The following TBC1D19 variants were observed in gnomAD, a reference collection of about 807,000 sequenced individuals.
TBC1D19 encodes TBC1 domain family member 19, also known as TBC1 domain family, member 19.
A neutral mutation model predicts 89.0 loss-of-function variants in TBC1D19; 60 were observed. The observed-to-expected ratio is 0.67, with a 90% CI of 0.55 to 0.84. TBC1D19 has a LOEUF of 0.84. TBC1D19 is among the 40% of genes least tolerant of loss of function. The pLI, the probability that TBC1D19 is intolerant of heterozygous loss-of-function variation, is 0.00. For missense variants in TBC1D19, 500 were observed against 610.8 expected (o/e 0.82, Z 1.91); for synonymous variants, 189 against 199.7 (o/e 0.95, Z 0.45).
At chr4:26,845,260 A>T in the TBC1D19 span, among the ~76,000 whole-genome samples, 2 of 152,226 alleles carry the variant, frequency 1.3e-5, no homozygotes, top group Non-Finnish European at 2.9e-5. Context: ...ACTTTCTGAT[A>T]AACATCTTTA....
At chr4:26,752,782 T>G (rs1177374127) in intron 19 of TBC1D19, among the ~76,000 whole-genome samples, 1 of 152,202 alleles carries the variant, frequency 6.6e-6, no homozygotes, top group East Asian at 1.9e-4. Flanking sequence ...AGCATTACTC[T>G]TTTTCCATGT....
intron 1 of TBC1D19, among the ~76,000 whole-genome samples, chr4:26,587,949 C>T (rs1282922874): frequency 1.3e-5 from 2 of 151,592 alleles, no homozygotes; most frequent in African/African-American, 2.4e-5. Flanking sequence ...TATATGATCC[C>T]CTTATATTCC....
chr4:26,743,830 G>T (rs949021829), intron 18 of TBC1D19, among the ~76,000 whole-genome samples: 7 of 151,616 alleles, frequency 4.6e-5, no homozygotes, highest in African/African-American at 1.7e-4. Context: ...GAACATTGGA[G>T]TATAAGTAGG....
At chr4:26,787,947 G>A in the TBC1D19 span, among the ~76,000 whole-genome samples, 1 of 152,178 alleles carries the variant, frequency 6.6e-6, no homozygotes, top group Non-Finnish European at 1.5e-5. Flanking sequence ...AAAGACTGCT[G>A]CCTACAGAAA....
chr4:26,787,795 TC>T, the TBC1D19 span, among the ~76,000 whole-genome samples: 1 of 152,152 alleles, frequency 6.6e-6, no homozygotes, highest in African/African-American at 2.4e-5. Flanking sequence ...CATCCGGACT[TC>T]CTTTGAACTT....
chr4:26,722,689 C>T lies in TBC1D19; in HGVS notation c.1084+2564C>T, dbSNP rs527842640. On this transcript the variant is annotated intron_variant, in intron 15 of 20. Coordinates refer to ENST00000264866, the MANE Select transcript of TBC1D19 (RefSeq NM_018317.4). ...GAGCTCAAGACACCAAAAAAAATCTCGCTATAGTAATAATTGTAACAGTAT... is the reference window on the plus strand; with the variant it reads ...GAGCTCAAGACACCAAAAAAAATCTTGCTATAGTAATAATTGTAACAGTAT... Among the ~76,000 whole-genome samples the T allele has an allele frequency of 3.3e-5, 5 of 152,250 alleles. No homozygotes were observed. The South Asian group carries it at 1.0e-3, about 32-fold the overall frequency.
At chr4:26,604,742 A>G (rs983107170) in intron 1 of TBC1D19, among the ~76,000 whole-genome samples, 6 of 151,652 alleles carry the variant, frequency 4.0e-5, no homozygotes, top group Non-Finnish European at 7.4e-5. Context: ...TTAGCCGGGC[A>G]TGGTGGCGGG....
intron 16 of TBC1D19, among the ~76,000 whole-genome samples, chr4:26,737,118 G>C (rs893452414): frequency 1.3e-5 from 2 of 152,028 alleles, no homozygotes; most frequent in Non-Finnish European, 2.9e-5. Flanking sequence ...GATGGTCGTG[G>C]TGAATGACAT....
intron 15 of TBC1D19, among the ~76,000 whole-genome samples, chr4:26,723,416 G>T (rs149766791): frequency 6.6e-6 from 1 of 152,070 alleles, no homozygotes; most frequent in South Asian, 2.1e-4. Flanking sequence ...GGTCTCAGGG[G>T]ACCACACATA....
intron 13 of TBC1D19, among the ~76,000 whole-genome samples, chr4:26,710,195 C>A (rs1375493925): frequency 2.5e-4 from 38 of 152,136 alleles, no homozygotes; most frequent in Middle Eastern, 3.4e-3. Flanking sequence ...CCCAACCCCA[C>A]AACAGTCCCC....
intron 19 of TBC1D19, among the ~76,000 whole-genome samples, chr4:26,751,515 G>A (rs1388331014): frequency 6.6e-6 from 1 of 152,190 alleles, no homozygotes; most frequent in Non-Finnish European, 1.5e-5. Context: ...TTGTAAACAT[G>A]AAACTCAGTG....
In TBC1D19 at chr4:26,718,101, G is replaced by A. The variant is rs1200822593; in HGVS notation, c.1039+84G>A. ...TTGTTTTATTTTTGGAGATAGTGGT[G>A]TTGCCAAATTATTATAAATTACTTA... On this transcript the variant is annotated intron_variant, in intron 14 of 20. Coordinates refer to ENST00000264866, the MANE Select transcript of TBC1D19 (RefSeq NM_018317.4). 5 of 1,025,034 alleles carry A rather than the reference G, an allele frequency of 4.9e-6. No homozygotes were observed. The African/African-American group carries it at 4.9e-5, about 10-fold the overall frequency. 63.5% of individuals were successfully genotyped at this position (1,025,034 alleles called of 1,614,324 possible). A position where few individuals can be genotyped will look rare whatever the true frequency, so the allele number is the denominator to read the frequency against.
At chr4:26,594,334 C>T (rs899881287) in intron 1 of TBC1D19, among the ~76,000 whole-genome samples, 1 of 152,028 alleles carries the variant, frequency 6.6e-6, no homozygotes, top group Non-Finnish European at 1.5e-5. Flanking sequence ...ACACGGAGGC[C>T]TGTTGTGGGG....
intron 4 of TBC1D19, among the ~76,000 whole-genome samples, chr4:26,621,737 G>A (rs1479907736): frequency 6.6e-6 from 1 of 151,618 alleles, no homozygotes; most frequent in Non-Finnish European, 1.5e-5. Flanking sequence ...TTTTAGGGCT[G>A]GAAATCAGTT....
chr4:26,684,456 T>C (rs28587794), intron 12 of TBC1D19, among the ~76,000 whole-genome samples: 261 of 152,308 alleles, frequency 1.7e-3, no homozygotes, highest in African/African-American at 6.0e-3. Flanking sequence ...CACTCTTTAG[T>C]CCTGTCACAT....
the TBC1D19 span, among the ~76,000 whole-genome samples, chr4:26,838,265 G>C: frequency 1.3e-5 from 2 of 152,170 alleles, no homozygotes; most frequent in Non-Finnish European, 2.9e-5. Flanking sequence ...CTGGCTCACT[G>C]ACTTGCAAGT....
chr4:26,630,150 TA>T (rs1742720286), intron 4 of TBC1D19, among the ~76,000 whole-genome samples: 1 of 151,864 alleles, frequency 6.6e-6, no homozygotes, highest in African/African-American at 2.4e-5. Context: ...TTAAAAAAAT[TA>T]GTATGATCAT....
At chr4:26,637,604 C>T (rs565648037) in intron 5 of TBC1D19, among the ~76,000 whole-genome samples, 5 of 152,224 alleles carry the variant, frequency 3.3e-5, no homozygotes, top group African/African-American at 7.2e-5. Context: ...GATCTCCTGA[C>T]ATCATGATCC....
intron 1 of TBC1D19, among the ~76,000 whole-genome samples, chr4:26,609,747 C>A (rs1741244292): frequency 6.6e-6 from 1 of 152,002 alleles, no homozygotes; most frequent in Non-Finnish European, 1.5e-5. Flanking sequence ...CTGGGAAAGA[C>A]TTATGTTTTA....
Sources: allele counts gnomAD v4.1 joint callset (sites outside exome capture counted in the v4.1 genomes callset), GRCh38; gene constraint gnomAD v4.1.1; transcripts MANE v1.5; gene names NCBI Gene and HGNC (gene_info 2026-07-23, HGNC 2026-07-21).